HS3ST3B1: variants seen among roughly 807,000 people sequenced by gnomAD.
The protein encoded by HS3ST3B1 is heparan sulfate-glucosamine 3-sulfotransferase 3B1.
Under a neutral mutation model 21.3 loss-of-function variants are expected in HS3ST3B1, and 13 were observed. The observed-to-expected ratio is 0.61, with a 90% confidence interval of 0.40 to 0.97. HS3ST3B1 has a LOEUF of 0.97. Ranked by LOEUF, HS3ST3B1 falls within the 50% of genes least tolerant of loss-of-function variation. The probability of loss-of-function intolerance (pLI) is 0.00; values close to 1 mark genes in which losing one functional copy is unlikely to be tolerated. For missense variants in HS3ST3B1, 459 were observed against 554.8 expected (o/e 0.83, Z 1.73); for synonymous variants, 234 against 254.8 (o/e 0.92, Z 0.78).
intron 1 of HS3ST3B1, among the ~76,000 whole-genome samples, chr17:14,340,512 C>G (rs796817048): frequency 9.2e-5 from 14 of 152,264 alleles, no homozygotes; most frequent in African/African-American, 3.4e-4. Context: ...TGCAGTGGGT[C>G]TCTATACCTA....
chr17:14,328,638 A>G (rs767696654), intron 1 of HS3ST3B1: 3 of 152,248 alleles, frequency 2.0e-5, no homozygotes, highest in Non-Finnish European at 4.4e-5. Flanking sequence ...GATGAGAAAC[A>G]GTAGCCTTTT....
In HS3ST3B1 at chr17:14,347,749, G is replaced by A. The variant is rs528454172; in HGVS notation, c.*2103G>A. ...ACCATCATTGTGTAGGTTCTGTTTT[G>A]GAGGAAGCTCATGGGGGATCTGTGT... is the stretch of plus-strand genomic sequence containing the variant. On this transcript the variant is annotated 3_prime_UTR_variant, in exon 2 of 2. Coordinates refer to ENST00000360954, the MANE Select transcript of HS3ST3B1 (RefSeq NM_006041.3). The A allele has an allele frequency of 2.0e-5, 3 of 152,238 alleles. No homozygotes were observed. The highest frequency in any genetic ancestry group is 2.1e-4 in the South Asian group (1 of 4,816). The allele number at this position is 152,238 out of a possible 1,614,324, so 9.4% of individuals were successfully genotyped here.
At chr17:14,313,069 G>C (rs1190522855) in intron 1 of HS3ST3B1, among the ~76,000 whole-genome samples, 1 of 99,640 alleles carries the variant, frequency 1.0e-5, no homozygotes, top group Non-Finnish European at 2.0e-5. Flanking sequence ...ACCACACCCA[G>C]CTAATTATTG....
At chr17:14,311,514 A>G (rs550806527) in intron 1 of HS3ST3B1, among the ~76,000 whole-genome samples, 2 of 152,322 alleles carry the variant, frequency 1.3e-5, no homozygotes, top group South Asian at 2.1e-4. Flanking sequence ...CACATTTGTT[A>G]CAACTGATGA....
chr17:14,310,219 T>C (rs1305190338), intron 1 of HS3ST3B1, among the ~76,000 whole-genome samples: 1 of 152,178 alleles, frequency 6.6e-6, no homozygotes, highest in Non-Finnish European at 1.5e-5. Flanking sequence ...GAATCTCACC[T>C]GGACTCAGAC....
chr17:14,310,211 A>G (rs1246368336), intron 1 of HS3ST3B1, among the ~76,000 whole-genome samples: 1 of 152,166 alleles, frequency 6.6e-6, no homozygotes, highest in Non-Finnish European at 1.5e-5. Context: ...CGATCCCTGA[A>G]TCTCACCTGG....
At chr17:14,310,778 G>A (rs866720615) in intron 1 of HS3ST3B1, among the ~76,000 whole-genome samples, 1 of 152,096 alleles carries the variant, frequency 6.6e-6, no homozygotes, top group African/African-American at 2.4e-5. Flanking sequence ...CTTGTCCCTG[G>A]TGCCCTCTTC....
intron 1 of HS3ST3B1, among the ~76,000 whole-genome samples, chr17:14,321,933 T>C (rs1209815946): frequency 6.6e-6 from 1 of 152,032 alleles, no homozygotes; most frequent in Admixed American, 6.5e-5. Context: ...CTCATATATA[T>C]ATATACACAC....
In HS3ST3B1 at chr17:14,310,426, T is replaced by G. The variant is rs1345261646; in HGVS notation, c.554+8354T>G. On this transcript the variant is annotated intron_variant, in intron 1 of 1. Coordinates refer to ENST00000360954, the MANE Select transcript of HS3ST3B1 (RefSeq NM_006041.3). ...CCCAGCCCCAGCCTTTGCGGATAGG[T>G]TTCCTCCGTGGTGCCAACAACTCTT... is the stretch of plus-strand genomic sequence containing the variant. 2.6e-5 allele frequency among the ~76,000 whole-genome samples: 4 copies of G among 152,264 alleles called. No homozygotes were observed. In the South Asian group the frequency reaches 6.2e-4, roughly 24 times the overall value.
intron 1 of HS3ST3B1, among the ~76,000 whole-genome samples, chr17:14,307,012 A>G (rs1276301751): frequency 6.6e-6 from 1 of 151,532 alleles, no homozygotes; most frequent in Non-Finnish European, 1.5e-5. Context: ...AATATAACAT[A>G]AATTAACCTA....
chr17:14,311,123 C>T (rs1053931639), intron 1 of HS3ST3B1, among the ~76,000 whole-genome samples: 1 of 150,756 alleles, frequency 6.6e-6, no homozygotes, highest in Non-Finnish European at 1.5e-5. Flanking sequence ...CTTGCTCTGT[C>T]ACCTAGGCTG....
Position 14,314,921 on chromosome 17 carries a change from T to C in HS3ST3B1, c.554+12849T>C, listed in dbSNP as rs573319537. Among the ~76,000 whole-genome samples, 3 of 152,348 alleles carry C rather than the reference T, an allele frequency of 2.0e-5. No homozygotes were observed. The East Asian group carries it at 5.8e-4, about 29-fold the overall frequency. ...TCTTGTTAGAGTTGGGCAGGAGCTT[T>C]TATCTATTTGACTTTTTCATTTTAC... is the stretch of plus-strand genomic sequence containing the variant. On this transcript the variant is annotated intron_variant, in intron 1 of 1. Transcript: ENST00000360954.
At position 14,301,642 on chromosome 17, in the gene HS3ST3B1, G is replaced by C. The variant is rs1373949701; in HGVS notation, c.124G>C (p.Val42Leu). The C allele has an allele frequency of 1.2e-6, 2 of 1,608,076 alleles. No individual in the cohort carries two copies. The highest frequency in any genetic ancestry group is 2.2e-5 in the South Asian group (2 of 90,748). Residue 42 changes from valine (V) to leucine (L), a missense_variant, in exon 1 of 2, where the codon GTC becomes CTC. Physicochemically the swap from Val to Leu is conservative, Grantham distance 32. Coordinates refer to ENST00000360954, the MANE Select transcript of HS3ST3B1 (RefSeq NM_006041.3). ...KLALLFAMLCVWLYMFLYSCA... is the reference protein window; with the variant it reads ...KLALLFAMLCLWLYMFLYSCA... Reference sequence around the variant, plus strand: ...CGCGCTGCTCTTCGCCATGCTCTGCGTCTGGCTCTATATGTTCCTGTACTC... The same window carrying C: ...CGCGCTGCTCTTCGCCATGCTCTGCCTCTGGCTCTATATGTTCCTGTACTC...
At position 14,345,827 on chromosome 17, in the gene HS3ST3B1, G is replaced by C; in HGVS notation, c.*181G>C. On this transcript the variant is annotated 3_prime_UTR_variant, in exon 2 of 2. Coordinates refer to ENST00000360954, the MANE Select transcript of HS3ST3B1 (RefSeq NM_006041.3). ...CTTCATAATCTGTTAACATTCCAAA[G>C]TGTTTAACTCTAGTATTTCGTTCTC... The C allele has an allele frequency of 2.6e-6, 2 of 783,916 alleles. No homozygotes were observed. The highest frequency in any genetic ancestry group is 2.6e-5 in the South Asian group (1 of 37,738). 48.6% of individuals were successfully genotyped at this position (783,916 alleles called of 1,614,324 possible).
intron 1 of HS3ST3B1, among the ~76,000 whole-genome samples, chr17:14,332,024 T>C (rs1910029787): frequency 6.6e-6 from 1 of 152,156 alleles, no homozygotes; most frequent in Admixed American, 6.5e-5. Context: ...ATTACAGCTC[T>C]CCTCTGTCAT....
chr17:14,344,341 C>G (rs1910486293), intron 1 of HS3ST3B1, among the ~76,000 whole-genome samples: 1 of 152,138 alleles, frequency 6.6e-6, no homozygotes, highest in African/African-American at 2.4e-5. Context: ...TCCCATCACC[C>G]AGGTAGTGAG....
intron 1 of HS3ST3B1, chr17:14,327,897 A>G (rs1418604180): frequency 6.6e-6 from 1 of 152,208 alleles, no homozygotes; most frequent in Admixed American, 6.5e-5. Flanking sequence ...CTGCAATTAA[A>G]GATTTTGTTT....
At chr17:14,308,753 G>A (rs1247047819) in intron 1 of HS3ST3B1, among the ~76,000 whole-genome samples, 1 of 152,204 alleles carries the variant, frequency 6.6e-6, no homozygotes, top group Non-Finnish European at 1.5e-5. Context: ...CTCTCGCCAA[G>A]GGGTCACTAT....
rs540814671 is a variant in HS3ST3B1 at position 14,313,049 on chromosome 17, C to T, written c.554+10977C>T. Among the ~76,000 whole-genome samples the T allele has an allele frequency of 1.6e-4, 22 of 138,990 alleles. No homozygotes were observed. The South Asian group carries it at 1.7e-3, about 11-fold the overall frequency. The allele number at this position is 138,990 out of a possible 152,430, so 91.2% of individuals were successfully genotyped here. On this transcript the variant is annotated intron_variant, in intron 1 of 1. Transcript: ENST00000360954. ...CCTCCCGAGTAGCTGGGATTACAGACGCCCACCACACCACACCCAGCTAAT... is the reference window on the plus strand; with the variant it reads ...CCTCCCGAGTAGCTGGGATTACAGATGCCCACCACACCACACCCAGCTAAT...
Sources: allele counts gnomAD v4.1 joint callset (sites outside exome capture counted in the v4.1 genomes callset), GRCh38; gene constraint gnomAD v4.1.1; transcripts MANE v1.5; gene names NCBI Gene and HGNC (gene_info 2026-07-23, HGNC 2026-07-21).